The following CCS variants were observed in gnomAD, a reference collection of about 807,000 sequenced individuals.
The protein encoded by CCS is copper chaperone for superoxide dismutase.
In CCS, 32 loss-of-function variants were observed where a neutral mutation model predicts 35.5. The ratio of observed to expected loss-of-function variants is 0.90; its 90% confidence interval spans 0.68 to 1.21. CCS has a LOEUF of 1.21. Among genes scored for constraint, CCS ranks in the 50% most tolerant of loss-of-function variants. The pLI, the probability that CCS is intolerant of heterozygous loss-of-function variation, is 0.00. For missense variants in CCS, 342 were observed against 375.4 expected, an observed-to-expected ratio of 0.91 and a Z score of 0.73; for synonymous variants, 130 against 147.2, an observed-to-expected ratio of 0.88 and a Z score of 0.84.
At position 66,605,872 on chromosome 11, in the gene CCS, G is replaced by A; in HGVS notation, c.*17G>A. On this transcript the variant is annotated 3_prime_UTR_variant, in exon 8 of 8. Coordinates refer to ENST00000533244, the MANE Select transcript of CCS (RefSeq NM_005125.2). Reference sequence around the variant, plus strand: ...CACCTTTGAGCAGGACCTCACCTTGGCTCTGTTGCTGTCCTCCAGGGCGAG... The same window carrying A: ...CACCTTTGAGCAGGACCTCACCTTGACTCTGTTGCTGTCCTCCAGGGCGAG... 6.7e-7 allele frequency: 1 copy of A among 1,503,390 alleles called. No individual in the cohort carries two copies. The highest frequency in any genetic ancestry group is 8.9e-7 in the Non-Finnish European group (1 of 1,127,696). The allele number at this position is 1,503,390 out of a possible 1,614,324, so 93.1% of individuals were successfully genotyped here. A position where few individuals can be genotyped will look rare whatever the true frequency, so the allele number is the denominator to read the frequency against.
chr11:66,595,907 C>A (rs575436804), intron 2 of CCS, among the ~76,000 whole-genome samples: 86 of 152,282 alleles, frequency 5.6e-4, no homozygotes, highest in Non-Finnish European at 9.6e-4. Flanking sequence ...GTCTGGGAAC[C>A]CTCCTATGCT....
Position 66,600,474 on chromosome 11 carries a change from T to A in CCS, c.429-15T>A. 6.6e-7 allele frequency: 1 copy of A among 1,509,712 alleles called. No homozygotes were observed. The highest frequency in any genetic ancestry group is 8.9e-7 in the Non-Finnish European group (1 of 1,123,976). The allele number at this position is 1,509,712 out of a possible 1,614,324, so 93.5% of individuals were successfully genotyped here. On this transcript the variant is annotated splice_polypyrimidine_tract_variant and intron_variant, in intron 4 of 7. Coordinates refer to ENST00000533244, the MANE Select transcript of CCS (RefSeq NM_005125.2). Reference sequence around the variant, plus strand: ...TGAGCTGCTTTCCTGCCCACCTGTTTCCTTTCTTTCTTAGCTGTGGGAATC... The same window carrying A: ...TGAGCTGCTTTCCTGCCCACCTGTTACCTTTCTTTCTTAGCTGTGGGAATC...
At chr11:66,602,789 A>G (rs1858591467) in intron 5 of CCS, among the ~76,000 whole-genome samples, 1 of 152,256 alleles carries the variant, frequency 6.6e-6, no homozygotes, top group African/African-American at 2.4e-5. Context: ...GGCTGGCATC[A>G]GCAGCTGTAC....
In CCS at chr11:66,600,525, TG is replaced by T; in HGVS notation, c.470del (p.Gly157AlafsTer32). On this transcript the variant is annotated frameshift_variant, in exon 5 of 8. Coordinates refer to ENST00000533244, the MANE Select transcript of CCS (RefSeq NM_005125.2). LOFTEE classifies it high-confidence loss of function. ...NHFNPDGASH[G>X]GPQDSDRHRG... ...ACTTTAACCCTGATGGAGCATCTCA[TG>T]GGGGCCCCCAGGACTCTGACCGGGT... is the stretch of plus-strand genomic sequence containing the variant. The T allele has an allele frequency of 6.5e-7, 1 of 1,534,862 alleles. No homozygotes were observed. The highest frequency in any genetic ancestry group is 1.2e-5 in the South Asian group (1 of 80,178).
chr11:66,603,741 G>T (rs1303335509), intron 5 of CCS, among the ~76,000 whole-genome samples: 1 of 152,180 alleles, frequency 6.6e-6, no homozygotes, highest in Non-Finnish European at 1.5e-5. Flanking sequence ...AGCTACTTGG[G>T]AGGTTGAGGC....
At chr11:66,594,457 G>A (rs1858439079) in intron 2 of CCS, among the ~76,000 whole-genome samples, 1 of 152,002 alleles carries the variant, frequency 6.6e-6, no homozygotes, top group African/African-American at 2.4e-5. Context: ...ATGGCTCTGG[G>A]AACTGGCTTC....
intron 1 of CCS, 82 bp downstream of exon 1, chr11:66,593,382 A>T (rs1858416470): frequency 7.3e-7 from 1 of 1,378,636 alleles, no homozygotes; most frequent in Admixed American, 2.7e-5. Context: ...GGAAGAGGAG[A>T]AGGAGTGGGC....
chr11:66,601,399 G>A (rs574484849), intron 5 of CCS, among the ~76,000 whole-genome samples: 1 of 151,962 alleles, frequency 6.6e-6, no homozygotes, highest in Non-Finnish European at 1.5e-5. Context: ...GCTCTGACTG[G>A]GCTATTTTCT....
Position 66,605,937 on chromosome 11 carries a change from G to C in CCS, c.*82G>C. Reference sequence around the variant, plus strand: ...AGAGGGGGCCAGAGGGACTTTGCCTGCCCAGTCTTTGGAGAGCTCAGTACA... The same window carrying C: ...AGAGGGGGCCAGAGGGACTTTGCCTCCCCAGTCTTTGGAGAGCTCAGTACA... On this transcript the variant is annotated 3_prime_UTR_variant, in exon 8 of 8. Transcript: ENST00000533244. The C allele has an allele frequency of 7.1e-7, 1 of 1,399,502 alleles. No homozygotes were observed. The highest frequency in any genetic ancestry group is 9.4e-7 in the Non-Finnish European group (1 of 1,067,630). 86.7% of individuals were successfully genotyped at this position (1,399,502 alleles called of 1,614,324 possible).
chr11:66,595,632 A>AC (rs776366585), intron 2 of CCS, among the ~76,000 whole-genome samples: 1 of 151,610 alleles, frequency 6.6e-6, no homozygotes, highest in Non-Finnish European at 1.5e-5. Flanking sequence ...CCCAAGGCTC[A>AC]CCCCCTTGAA....
intron 2 of CCS, among the ~76,000 whole-genome samples, 164 bp downstream of exon 2, chr11:66,593,878 T>C (rs1324287230): frequency 2.0e-5 from 3 of 152,206 alleles, no homozygotes; most frequent in Admixed American, 6.5e-5. Context: ...AGGCAGAGCC[T>C]AGAGTACAGC....
Position 66,605,570 on chromosome 11 carries a change from A to G in CCS, c.649A>G (p.Ile217Val), listed in dbSNP as rs1858642915. Residue 217 changes from isoleucine to valine, a missense_variant, in exon 7 of 8, where the codon ATC (isoleucine) becomes GTC (valine). Ile to Val is a conservative substitution (Grantham distance 29, BLOSUM62 3). Coordinates refer to ENST00000533244, the MANE Select transcript of CCS (RefSeq NM_005125.2). ...CCGGGGAGGCCATCCCTTATCCAAG[A>G]TCACAGGGAACTCCGGGGAGAGGTG... ...LGRGGHPLSK[I>V]TGNSGERLAC... 3 of 1,613,932 alleles carry G rather than the reference A, an allele frequency of 1.9e-6. No individual in the cohort carries two copies. The highest frequency in any genetic ancestry group is 1.7e-6 in the Non-Finnish European group (2 of 1,179,956).
intron 5 of CCS, among the ~76,000 whole-genome samples, chr11:66,604,372 A>G (rs1590831927): frequency 2.6e-5 from 4 of 152,310 alleles, no homozygotes; most frequent in South Asian, 4.1e-4. Flanking sequence ...CCTCTGGAAA[A>G]CGAGATAAAG....
Position 66,599,699 on chromosome 11 carries a change from C to T in CCS, c.428+63C>T, listed in dbSNP as rs1858542629. 14 of 1,475,252 alleles carry T rather than the reference C, an allele frequency of 9.5e-6. No homozygotes were observed. In the Admixed American group the frequency reaches 9.9e-5, roughly 10 times the overall value. The allele number at this position is 1,475,252 out of a possible 1,614,324, so 91.4% of individuals were successfully genotyped here. ...TACACATTTTCACACTGGGCCCTCA[C>T]CAATACTCTGTGAGGCACATACACA... is the stretch of plus-strand genomic sequence containing the variant. On this transcript the variant is annotated intron_variant, in intron 4 of 7. Transcript: ENST00000533244.
chr11:66,593,232 C>G lies in CCS; in HGVS notation c.-30C>G. ...TTGGTGCTCCTGCGCCGGAGGAGTT[C>G]TGCGTCTCGGGGTGGTGACTGGGTC... On this transcript the variant is annotated 5_prime_UTR_variant, in exon 1 of 8. Transcript: ENST00000533244. The G allele has an allele frequency of 1.3e-6, 2 of 1,556,650 alleles. No individual in the cohort carries two copies. The highest frequency in any genetic ancestry group is 1.7e-6 in the Non-Finnish European group (2 of 1,150,424).
chr11:66,593,287 G>T lies in CCS; in HGVS notation c.26G>T (p.Gly9Val). Residue 9 changes from glycine to valine, a missense_variant, in exon 1 of 8, where the codon GGG (glycine) becomes GTG (valine). Physicochemically the swap from Gly to Val is moderately radical, Grantham distance 109. Transcript: ENST00000533244. ...ATGGCTTCGGATTCGGGGAACCAGGGGACCCTCTGCACGGTGAGGGTCGAG... is the reference window on the plus strand; with the variant it reads ...ATGGCTTCGGATTCGGGGAACCAGGTGACCCTCTGCACGGTGAGGGTCGAG... The part of the protein sequence containing the change: MASDSGNQ[G>V]TLCTLEFAVQ... The T allele has an allele frequency of 6.4e-7, 1 of 1,556,274 alleles. No individual in the cohort carries two copies. Among genetic ancestry groups the T allele is most frequent in the African/African-American group, 1.4e-5 (1 of 73,660 alleles).
At chr11:66,593,803 T>C in intron 2 of CCS, 89 bp downstream of exon 2, 1 of 1,206,882 alleles carries the variant, frequency 8.3e-7, no homozygotes, top group Non-Finnish European at 1.2e-6. Flanking sequence ...ACTCCCATTT[T>C]ACAGATGCAG....
chr11:66,597,282 C>G (rs1858492912), intron 2 of CCS, among the ~76,000 whole-genome samples: 1 of 151,824 alleles, frequency 6.6e-6, no homozygotes, highest in African/African-American at 2.4e-5. Flanking sequence ...CACGGTGAAA[C>G]CCTGTCTCTA....
intron 5 of CCS, among the ~76,000 whole-genome samples, chr11:66,601,275 T>C (rs1226180321): frequency 6.6e-6 from 1 of 152,142 alleles, no homozygotes; most frequent in African/African-American, 2.4e-5. Context: ...GTATTTTTAG[T>C]AGAGATGGGG....
Sources: gnomAD v4.1 joint callset for allele counts (sites outside exome capture counted in the v4.1 genomes callset) on GRCh38, gnomAD v4.1.1 for gene constraint, MANE v1.5 for transcripts, NCBI Gene and HGNC (gene_info 2026-07-23, HGNC 2026-07-21) for gene names.